The following ADAMTSL3 variants were observed in gnomAD, a reference collection of about 807,000 sequenced individuals.
ADAMTSL3 encodes the protein ADAMTS-like protein 3.
In ADAMTSL3, 128 loss-of-function variants were observed where a neutral mutation model predicts 201.7. The observed-to-expected ratio is 0.63, with a 90% CI of 0.55 to 0.73. ADAMTSL3 has a LOEUF of 0.73. ADAMTSL3 is among the 30% of genes least tolerant of loss of function. The pLI is 0.00. For missense variants in ADAMTSL3, 1,990 were observed against 2,119.6 expected (o/e 0.94, Z 1.20); for synonymous variants, 738 against 748.4 (o/e 0.99, Z 0.23).
At chr15:84,025,493 A>G (rs1404874793) in intron 27 of ADAMTSL3, 57 bp downstream of exon 27, 1 of 1,513,220 alleles carries the variant, frequency 6.6e-7, no homozygotes, top group South Asian at 1.2e-5. Context: ...AGATAGTGTG[A>G]TAATAATCAC....
At chr15:84,003,957 T>G (rs910230721) in intron 23 of ADAMTSL3, among the ~76,000 whole-genome samples, 2 of 152,248 alleles carry the variant, frequency 1.3e-5, no homozygotes, top group African/African-American at 4.8e-5. Flanking sequence ...TTGTTGGAAT[T>G]CAACCCCCGG....
In ADAMTSL3 at chr15:83,801,784, G is replaced by A. The variant is rs143840698; in HGVS notation, c.318-2866G>A. 2.3e-4 allele frequency among the ~76,000 whole-genome samples: 33 copies of A among 146,078 alleles called. No individual in the cohort carries two copies. In the East Asian group the frequency reaches 3.4e-3, roughly 15 times the overall value. On this transcript the variant is annotated intron_variant, in intron 4 of 29. Coordinates refer to ENST00000286744, the MANE Select transcript of ADAMTSL3 (RefSeq NM_207517.3). ...CAGCCTCAGAATTATAGGCATTTATGGCACAAGAGCAGTAATCAAAATCAT... is the reference window on the plus strand; with the variant it reads ...CAGCCTCAGAATTATAGGCATTTATAGCACAAGAGCAGTAATCAAAATCAT...
chr15:83,983,473 C>G (rs193228667), intron 21 of ADAMTSL3, 129 bp downstream of exon 21: 2 of 727,276 alleles, frequency 2.7e-6, no homozygotes, highest in African/African-American at 1.8e-5. Context: ...AGGAAAGAAA[C>G]TAAAAAATGT....
At chr15:84,011,315 G>A (rs909866194) in intron 23 of ADAMTSL3, among the ~76,000 whole-genome samples, 2 of 152,156 alleles carry the variant, frequency 1.3e-5, no homozygotes, top group Admixed American at 1.3e-4. Context: ...AAAGCATCAT[G>A]CTTAAGAAAG....
chr15:84,010,566 A>T (rs1041723233), intron 23 of ADAMTSL3, among the ~76,000 whole-genome samples: 9 of 152,214 alleles, frequency 5.9e-5, no homozygotes, highest in African/African-American at 2.2e-4. Flanking sequence ...GAGAACTGAG[A>T]TTAATGCAGT....
chr15:83,947,435 G>A (rs2066674351), intron 19 of ADAMTSL3, among the ~76,000 whole-genome samples: 1 of 152,200 alleles, frequency 6.6e-6, no homozygotes, highest in Non-Finnish European at 1.5e-5. Context: ...CAAGCCTTAG[G>A]CAGAAAGGAG....
intron 3 of ADAMTSL3, among the ~76,000 whole-genome samples, chr15:83,768,692 C>T (rs923057598): frequency 2.4e-4 from 37 of 152,206 alleles, no homozygotes; most frequent in Non-Finnish European, 1.0e-4. Context: ...TTCTGTTTCA[C>T]TGCAAGGAAG....
At chr15:83,736,059 A>T (rs1035326483) in intron 3 of ADAMTSL3, among the ~76,000 whole-genome samples, 1 of 152,196 alleles carries the variant, frequency 6.6e-6, no homozygotes, top group African/African-American at 2.4e-5. Context: ...AATTAGCAAC[A>T]TAAGTACAAA....
At chr15:83,680,209 C>T (rs1490573441) in intron 2 of ADAMTSL3, among the ~76,000 whole-genome samples, 1 of 152,088 alleles carries the variant, frequency 6.6e-6, no homozygotes, top group Non-Finnish European at 1.5e-5. Flanking sequence ...TTCTCTAGCA[C>T]ACAGTCCAGA....
At chr15:83,814,157 C>A (rs2063736979) in intron 5 of ADAMTSL3, among the ~76,000 whole-genome samples, 1 of 152,106 alleles carries the variant, frequency 6.6e-6, no homozygotes, top group Non-Finnish European at 1.5e-5. Context: ...ATACCTGGAT[C>A]CTATGAATGG....
chr15:83,879,642 A>AG (rs2065236660), intron 9 of ADAMTSL3, among the ~76,000 whole-genome samples: 1 of 152,208 alleles, frequency 6.6e-6, no homozygotes, highest in African/African-American at 2.4e-5. Context: ...AAATTTGTAA[A>AG]ACTTGGTTTG....
At chr15:83,935,146 A>G (rs1383097050) in intron 17 of ADAMTSL3, among the ~76,000 whole-genome samples, 1 of 152,226 alleles carries the variant, frequency 6.6e-6, no homozygotes, top group African/African-American at 2.4e-5. Flanking sequence ...TTTGCAATAT[A>G]TCCATGTAAT....
chr15:83,665,068 C>T (rs1169562886), intron 2 of ADAMTSL3, among the ~76,000 whole-genome samples: 1 of 152,104 alleles, frequency 6.6e-6, no homozygotes, highest in African/African-American at 2.4e-5. Flanking sequence ...AATTGGGAGA[C>T]CTCTTCTAGG....
intron 2 of ADAMTSL3, among the ~76,000 whole-genome samples, chr15:83,701,846 C>T (rs537937775): frequency 9.2e-5 from 14 of 152,208 alleles, no homozygotes; most frequent in Middle Eastern, 3.4e-3. Flanking sequence ...CCAGTGGAAT[C>T]GGGTGCTGCT....
intron 3 of ADAMTSL3, among the ~76,000 whole-genome samples, chr15:83,711,564 A>C (rs946811931): frequency 6.6e-6 from 1 of 152,242 alleles, no homozygotes; most frequent in African/African-American, 2.4e-5. Flanking sequence ...TGCTGCTTAA[A>C]TATTCCAAGA....
intron 25 of ADAMTSL3, 57 bp downstream of exon 25, chr15:84,016,556 G>C (rs1224984083): frequency 7.2e-7 from 1 of 1,391,176 alleles, no homozygotes; most frequent in Non-Finnish European, 1.0e-6. Flanking sequence ...TAAGGAAAAG[G>C]ATTTAGCTAA....
chr15:84,011,762 A>G (rs1337415419), intron 23 of ADAMTSL3, among the ~76,000 whole-genome samples: 2 of 152,262 alleles, frequency 1.3e-5, no homozygotes, highest in African/African-American at 4.8e-5. Flanking sequence ...TAGAAACAAG[A>G]TAAATATGCA....
Position 83,889,470 on chromosome 15 carries a change from G to A in ADAMTSL3, c.1073-639G>A, listed in dbSNP as rs929355642. Among the ~76,000 whole-genome samples, 3 of 152,044 alleles carry A rather than the reference G, an allele frequency of 2.0e-5. 1 individual carries two copies. The South Asian group carries it at 6.2e-4, about 32-fold the overall frequency. ...ATGTTGAGTGAAAAAAGTGGAAAAC[G>A]GAACAAGATTTAAAACACATTATCA... On this transcript the variant is annotated intron_variant, in intron 10 of 29. Coordinates refer to ENST00000286744, the MANE Select transcript of ADAMTSL3 (RefSeq NM_207517.3).
At chr15:83,933,484 T>C (rs1470413322) in intron 17 of ADAMTSL3, among the ~76,000 whole-genome samples, 1 of 152,218 alleles carries the variant, frequency 6.6e-6, no homozygotes, top group Non-Finnish European at 1.5e-5. Flanking sequence ...TTGGAACTTA[T>C]GTTTAAAAGG....
Sources: gnomAD v4.1 joint callset for allele counts (sites outside exome capture counted in the v4.1 genomes callset) on GRCh38, gnomAD v4.1.1 for gene constraint, MANE v1.5 for transcripts, NCBI Gene and HGNC (gene_info 2026-07-23, HGNC 2026-07-21) for gene names.